The following CACNB4 variants were observed in gnomAD, a reference collection of about 807,000 sequenced individuals.
CACNB4 encodes the protein calcium voltage-gated channel auxiliary subunit beta 4.
In CACNB4, 32 loss-of-function variants were observed where a neutral mutation model predicts 71.2. The observed-to-expected ratio is 0.45, with a 90% CI of 0.34 to 0.60. The LOEUF is 0.60. Ranked by LOEUF, CACNB4 falls within the 20% of genes least tolerant of loss-of-function variation. CACNB4 has a pLI of 0.01. For synonymous variants in CACNB4, 231 were observed against 236.9 expected (o/e 0.97, Z 0.23); for missense variants, 464 against 647.9 (o/e 0.72, Z 3.08).
chr2:152,030,262 C>T (rs1684211144), intron 2 of CACNB4, among the ~76,000 whole-genome samples: 1 of 152,032 alleles, frequency 6.6e-6, no homozygotes, highest in Non-Finnish European at 1.5e-5. Context: ...ACAAAAGAAA[C>T]ACAACATTGA....
chr2:152,064,432 G>A (rs111729150), intron 2 of CACNB4, among the ~76,000 whole-genome samples: 6,883 of 152,302 alleles, frequency 0.045, 507 homozygotes, highest in African/African-American at 0.16. Flanking sequence ...ACAGGCTGGA[G>A]TGCAGTGTTG....
chr2:151,874,921 T>C (rs1208958367), intron 5 of CACNB4: 4 of 399,082 alleles, frequency 1.0e-5, no homozygotes, highest in African/African-American at 2.1e-5. Context: ...TTGATTCACC[T>C]GAAGCTGTCT....
At chr2:151,871,065 C>G (rs941593891) in intron 6 of CACNB4, 1 of 593,654 alleles carries the variant, frequency 1.7e-6, no homozygotes. Flanking sequence ...CAGCTTCCTC[C>G]CTGGTACAAA....
intron 2 of CACNB4, among the ~76,000 whole-genome samples, chr2:152,017,251 CA>C (rs1335908360): frequency 6.7e-6 from 1 of 150,046 alleles, no homozygotes; most frequent in Admixed American, 6.6e-5. Flanking sequence ...GGGACCTGTG[CA>C]CCTGCATTTT....
At position 151,853,459 on chromosome 2, in the gene CACNB4, G is replaced by T; in HGVS notation, c.1105C>A (p.Gln369Lys). The T allele has an allele frequency of 6.3e-7, 1 of 1,592,120 alleles. No homozygotes were observed. The highest frequency in any genetic ancestry group is 8.6e-7 in the Non-Finnish European group (1 of 1,168,234). Residue 369 changes from glutamine to lysine, a missense_variant, in exon 12 of 14, where the codon CAA becomes AAA. Transcript: ENST00000539935. ...VQLVAADKLA[Q>K]CPPEMFDVIL... Reference sequence around the variant, plus strand: ...ATGATCATACTTACTGGGGGGCATTGTGCAAGTTTATCAGCTGCCACCAGT... The same window carrying T: ...ATGATCATACTTACTGGGGGGCATTTTGCAAGTTTATCAGCTGCCACCAGT...
At chr2:151,844,552 C>A (rs537250457) in intron 12 of CACNB4, among the ~76,000 whole-genome samples, 1 of 152,250 alleles carries the variant, frequency 6.6e-6, no homozygotes, top group Non-Finnish European at 1.5e-5. Context: ...CTAAAGTAAC[C>A]CAAGGGAATT....
intron 2 of CACNB4, among the ~76,000 whole-genome samples, chr2:151,894,426 G>A (rs1003273712): frequency 9.2e-5 from 14 of 152,078 alleles, no homozygotes; most frequent in African/African-American, 2.2e-4. Context: ...AGGGATAAAA[G>A]GAACATATAT....
intron 2 of CACNB4, among the ~76,000 whole-genome samples, chr2:151,988,584 C>A (rs940949041): frequency 9.9e-5 from 15 of 152,148 alleles, no homozygotes; most frequent in Non-Finnish European, 2.9e-5. Flanking sequence ...AGATTTATTT[C>A]TCTGAATTTT....
chr2:151,953,013 T>A (rs1464630015), intron 2 of CACNB4, among the ~76,000 whole-genome samples: 1 of 152,164 alleles, frequency 6.6e-6, no homozygotes, highest in Non-Finnish European at 1.5e-5. Context: ...GGTATATGTT[T>A]ACGGAGAGGA....
At chr2:151,970,018 G>A (rs186354618) in intron 2 of CACNB4, 1 of 152,206 alleles carries the variant, frequency 6.6e-6, no homozygotes, top group East Asian at 1.9e-4. Context: ...TAGAATTTAA[G>A]CATTTGGAAA....
intron 2 of CACNB4, among the ~76,000 whole-genome samples, chr2:152,073,543 G>T (rs773007282): frequency 1.7e-4 from 26 of 152,176 alleles, no homozygotes; most frequent in Non-Finnish European, 3.7e-4. Context: ...AGAATGGGAT[G>T]ATTATGAATT....
At chr2:151,988,464 A>T (rs1681498809) in intron 2 of CACNB4, among the ~76,000 whole-genome samples, 1 of 152,298 alleles carries the variant, frequency 6.6e-6, no homozygotes, top group South Asian at 2.1e-4. Flanking sequence ...TAATAAAATC[A>T]TGCAGTGCAG....
chr2:151,894,401 A>G (rs2099851485), intron 2 of CACNB4, among the ~76,000 whole-genome samples: 1 of 152,218 alleles, frequency 6.6e-6, no homozygotes. Flanking sequence ...TCATGATAGA[A>G]ACTCTCAACA....
chr2:151,917,925 A>G (rs2099857951), intron 2 of CACNB4, among the ~76,000 whole-genome samples: 1 of 152,032 alleles, frequency 6.6e-6, no homozygotes. Context: ...ATGCACTACT[A>G]GAAAGGCATT....
chr2:151,872,320 C>A, intron 6 of CACNB4, 97 bp downstream of exon 6: 3 of 712,478 alleles, frequency 4.2e-6, no homozygotes, highest in South Asian at 1.6e-5. Flanking sequence ...ATTAAGCCTT[C>A]AAATTGTTTC....
chr2:151,880,305 C>G (rs1267769453), intron 4 of CACNB4: 1 of 154,776 alleles, frequency 6.5e-6, no homozygotes, highest in Non-Finnish European at 1.4e-5. Context: ...TTCTGTTTCC[C>G]AGAGCCCTCT....
At chr2:151,955,195 G>A (rs2099867938) in intron 2 of CACNB4, among the ~76,000 whole-genome samples, 2 of 152,098 alleles carry the variant, frequency 1.3e-5, no homozygotes, top group African/African-American at 4.8e-5. Flanking sequence ...CACAATTTCA[G>A]AGCTGCACCT....
At chr2:152,070,702 A>G (rs188343032) in intron 2 of CACNB4, among the ~76,000 whole-genome samples, 114 of 152,346 alleles carry the variant, frequency 7.5e-4, no homozygotes, top group African/African-American at 2.6e-3. Context: ...CAGGTATCCA[A>G]TAGTTAATCA....
intron 2 of CACNB4, among the ~76,000 whole-genome samples, chr2:151,918,673 A>T (rs754792683): frequency 6.6e-6 from 1 of 152,202 alleles, no homozygotes; most frequent in Non-Finnish European, 1.5e-5. Context: ...CTAGCCTAGG[A>T]TGCAGGTTGA....
Sources: gnomAD v4.1 joint callset for allele counts (sites outside exome capture counted in the v4.1 genomes callset) on GRCh38, gnomAD v4.1.1 for gene constraint, MANE v1.5 for transcripts, NCBI Gene and HGNC (gene_info 2026-07-23, HGNC 2026-07-21) for gene names.